Variants in ERG observed in about 807,000 individuals in gnomAD.
ERG encodes transcriptional regulator ERG.
A neutral mutation model predicts 55.3 loss-of-function variants in ERG; 9 were observed. The ratio of observed to expected loss-of-function variants is 0.16; its 90% CI spans 0.10 to 0.28. The LOEUF is 0.28. ERG is among the 10% of genes least tolerant of loss of function. The probability of loss-of-function intolerance (pLI) is 1.00; values close to 1 mark genes in which losing one functional copy is unlikely to be tolerated. For synonymous variants in ERG, 223 were observed against 237.3 expected, an observed-to-expected ratio of 0.94 and a Z score of 0.55; for missense variants, 434 against 631.6, an observed-to-expected ratio of 0.69 and a Z score of 3.35.
Position 38,468,726 on chromosome 21 carries a change from C to A in ERG, c.19-23105G>T, listed in dbSNP as rs377295858. On this transcript the variant is annotated intron_variant, in intron 1 of 9. Transcript: ENST00000288319. ...TTCTGCCGGGTGCGGTGGCTCACGCCTGTAATCCCAGCACTTTGGGAGGCC... is the reference window on the plus strand; with the variant it reads ...TTCTGCCGGGTGCGGTGGCTCACGCATGTAATCCCAGCACTTTGGGAGGCC... Among the ~76,000 whole-genome samples the A allele has an allele frequency of 1.4e-3, 216 of 152,284 alleles. 2 individuals are homozygous for A. The highest frequency in any genetic ancestry group is 5.0e-3 in the African/African-American group (208 of 41,570).
At chr21:38,407,646 T>TATATATATA (rs34894423) in intron 3 of ERG, among the ~76,000 whole-genome samples, 2,471 of 142,594 alleles carry the variant, frequency 0.017, 45 homozygotes, top group Middle Eastern at 0.024. Flanking sequence ...ATATATATAT[T>TATATATATA]TAATGTATAT....
At chr21:38,517,268 A>C (rs879932164) in intron 2 of ERG, among the ~76,000 whole-genome samples, 1 of 152,054 alleles carries the variant, frequency 6.6e-6, no homozygotes, top group African/African-American at 2.4e-5. Flanking sequence ...TCAACAATTA[A>C]AAAGAAAACT....
Position 38,380,827 on chromosome 21 carries a change from G to T in ERG, c.*2576C>A. 9.4e-7 allele frequency: 1 copy of T among 1,064,780 alleles called. No individual in the cohort carries two copies. The highest frequency in any genetic ancestry group is 5.0e-5 in the East Asian group (1 of 19,960). The allele number at this position is 1,064,780 out of a possible 1,614,324, so 66.0% of individuals were successfully genotyped here. Reference sequence around the variant, plus strand: ...TATGATAATCATGTCTTGTTTTTATGATCTTGCTCATGAGACAGTCTTGAA... The same window carrying T: ...TATGATAATCATGTCTTGTTTTTATTATCTTGCTCATGAGACAGTCTTGAA... On this transcript the variant is annotated 3_prime_UTR_variant, in exon 10 of 10. Transcript: ENST00000288319.
the ERG span, among the ~76,000 whole-genome samples, chr21:38,371,058 C>T: frequency 4.6e-5 from 7 of 151,904 alleles, no homozygotes; most frequent in South Asian, 4.1e-4. Flanking sequence ...TGATCCATCA[C>T]TTCATTTGCT....
chr21:38,475,045 G>A (rs2059175062), intron 1 of ERG, among the ~76,000 whole-genome samples: 1 of 152,264 alleles, frequency 6.6e-6, no homozygotes, highest in African/African-American at 2.4e-5. Flanking sequence ...TAAATAAGTT[G>A]CCTAGAGCAT....
chr21:38,623,027 C>A (rs2060302967), intron 1 of ERG, among the ~76,000 whole-genome samples: 2 of 146,850 alleles, frequency 1.4e-5, no homozygotes, highest in South Asian at 4.4e-4. Flanking sequence ...ACACCACACA[C>A]ACCACATACA....
At chr21:38,545,047 C>T (rs1467800512) in intron 2 of ERG, among the ~76,000 whole-genome samples, 2 of 152,296 alleles carry the variant, frequency 1.3e-5, no homozygotes, top group African/African-American at 4.8e-5. Context: ...CTAATACTGT[C>T]TGTCTCTACC....
chr21:38,389,573 G>A (rs1987872752), intron 9 of ERG, among the ~76,000 whole-genome samples: 1 of 151,152 alleles, frequency 6.6e-6, no homozygotes, highest in South Asian at 2.1e-4. Flanking sequence ...TTATATGGCA[G>A]AGTTGCAAAT....
At chr21:38,590,194 C>T (rs888717848) in intron 1 of ERG, among the ~76,000 whole-genome samples, 1 of 152,066 alleles carries the variant, frequency 6.6e-6, no homozygotes, top group Non-Finnish European at 1.5e-5. Flanking sequence ...TAAACAAAGG[C>T]TATGATGAGA....
At position 38,380,496 on chromosome 21, in the gene ERG, C is replaced by T. The variant is rs1166553700; in HGVS notation, c.*2907G>A. Reference sequence around the variant, plus strand: ...GAAGACAAGAAAAGAAGACAAATCTCTTGCCAGCAGGAGTAAGATTGTACA... The same window carrying T: ...GAAGACAAGAAAAGAAGACAAATCTTTTGCCAGCAGGAGTAAGATTGTACA... On this transcript the variant is annotated 3_prime_UTR_variant, in exon 10 of 10. Coordinates refer to ENST00000288319, the MANE Select transcript of ERG (RefSeq NM_182918.4). The T allele has an allele frequency of 1.9e-5, 20 of 1,065,374 alleles. No homozygotes were observed. The highest frequency in any genetic ancestry group is 9.1e-6 in the Non-Finnish European group (8 of 879,380). The allele number at this position is 1,065,374 out of a possible 1,614,324, so 66.0% of individuals were successfully genotyped here. A position where few individuals can be genotyped will look rare whatever the true frequency, so the allele number is the denominator to read the frequency against.
chr21:38,429,019 T>A (rs1284752770), intron 2 of ERG, among the ~76,000 whole-genome samples: 1 of 152,154 alleles, frequency 6.6e-6, no homozygotes, highest in Non-Finnish European at 1.5e-5. Flanking sequence ...CAGTGTGCAA[T>A]CTTTTCTCCC....
chr21:38,640,746 T>C (rs461679), intron 1 of ERG, among the ~76,000 whole-genome samples: 84,391 of 151,950 alleles, frequency 0.56, 23,746 homozygotes, highest in African/African-American at 0.65. Context: ...TTATCAGCGG[T>C]GTGAAAATGG....
chr21:38,500,536 T>G (rs573570374), upstream of ERG, among the ~76,000 whole-genome samples: 2 of 152,336 alleles, frequency 1.3e-5, no homozygotes, highest in African/African-American at 4.8e-5. Flanking sequence ...ACCCTTTGCC[T>G]GGTTAACTCT....
the ERG span, among the ~76,000 whole-genome samples, chr21:38,368,126 G>A: frequency 6.6e-6 from 1 of 152,086 alleles, no homozygotes; most frequent in Non-Finnish European, 1.5e-5. Flanking sequence ...TTAGAACATT[G>A]CCAGGCTCTT....
chr21:38,442,717 G>A (rs1368664293), intron 2 of ERG, among the ~76,000 whole-genome samples: 1 of 152,228 alleles, frequency 6.6e-6, no homozygotes, highest in African/African-American at 2.4e-5. Flanking sequence ...GGAGGGAGAG[G>A]AGACATCAGC....
intron 1 of ERG, among the ~76,000 whole-genome samples, chr21:38,611,832 T>C (rs1483566752): frequency 6.6e-6 from 1 of 151,972 alleles, no homozygotes; most frequent in African/African-American, 2.4e-5. Context: ...AGGCAATAGG[T>C]GTTTGTTAAT....
chr21:38,510,639 C>G (rs2059504576), intron 2 of ERG, among the ~76,000 whole-genome samples: 1 of 152,134 alleles, frequency 6.6e-6, no homozygotes, highest in African/African-American at 2.4e-5. Flanking sequence ...TTACTGCAAA[C>G]CAAAACCAGA....
At chr21:38,639,342 G>A (rs770362662) in intron 1 of ERG, among the ~76,000 whole-genome samples, 3 of 150,858 alleles carry the variant, frequency 2.0e-5, no homozygotes, top group South Asian at 2.1e-4. Context: ...AAAAAATGTG[G>A]AGCAAAAAGA....
intron 1 of ERG, among the ~76,000 whole-genome samples, chr21:38,596,312 TAGGGTAAGCAA>T (rs2060131210): frequency 6.6e-6 from 1 of 152,060 alleles, no homozygotes; most frequent in African/African-American, 2.4e-5. Context: ...AGATCACAGG[TAGGGTAAGCAA>T]ATGAACACAA....
Sources: allele counts gnomAD v4.1 joint callset (sites outside exome capture counted in the v4.1 genomes callset), GRCh38; gene constraint gnomAD v4.1.1; transcripts MANE v1.5; gene names NCBI Gene and HGNC (gene_info 2026-07-23, HGNC 2026-07-21).